Variants in ERBB4 observed in about 807,000 individuals in gnomAD.
ERBB4 encodes erb-b2 receptor tyrosine kinase 4.
A neutral mutation model predicts 158.0 loss-of-function variants in ERBB4; 42 were observed. That is an observed-to-expected ratio of 0.27 (90% CI 0.21 to 0.34). The LOEUF (loss-of-function observed/expected upper bound fraction) is 0.34. ERBB4 is among the 10% of genes least tolerant of loss of function. The pLI, the probability that ERBB4 is intolerant of heterozygous loss-of-function variation, is 1.00. For synonymous variants in ERBB4, 583 were observed against 558.7 expected, an observed-to-expected ratio of 1.04 and a Z score of -0.61; for missense variants, 1,333 against 1,624.1, an observed-to-expected ratio of 0.82 and a Z score of 3.08.
chr2:211,939,391 T>C (rs1449903169), intron 3 of ERBB4, among the ~76,000 whole-genome samples: 1 of 128,870 alleles, frequency 7.8e-6, no homozygotes, highest in African/African-American at 3.4e-5. Context: ...CTGAAACAGA[T>C]TTTTTTTTTT....
intron 20 of ERBB4, among the ~76,000 whole-genome samples, chr2:211,525,872 G>C (rs987623654): frequency 2.0e-5 from 3 of 152,092 alleles, no homozygotes; most frequent in Non-Finnish European, 2.9e-5. Flanking sequence ...GTGGAAAGGG[G>C]AGGGAAGAGT....
At chr2:211,792,416 C>T (rs973256183) in intron 3 of ERBB4, among the ~76,000 whole-genome samples, 1 of 151,106 alleles carries the variant, frequency 6.6e-6, no homozygotes, top group African/African-American at 2.4e-5. Flanking sequence ...TAGAGAAAGC[C>T]GAAAGGAAAA....
intron 19 of ERBB4, among the ~76,000 whole-genome samples, chr2:211,586,667 T>C (rs12989265): frequency 5.9e-5 from 9 of 152,290 alleles, no homozygotes; most frequent in African/African-American, 2.2e-4. Context: ...TGGAGGATTG[T>C]TTTTGAGTCT....
At chr2:211,667,056 A>C (rs921246087) in intron 14 of ERBB4, among the ~76,000 whole-genome samples, 2 of 152,032 alleles carry the variant, frequency 1.3e-5, no homozygotes, top group African/African-American at 4.8e-5. Flanking sequence ...GTCTTGGGCC[A>C]CACATAAAAT....
intron 1 of ERBB4, among the ~76,000 whole-genome samples, chr2:212,277,077 C>T (rs1463402388): frequency 6.6e-6 from 1 of 151,654 alleles, no homozygotes; most frequent in Non-Finnish European, 1.5e-5. Context: ...TCCAACTGAC[C>T]TTGATAAGGC....
chr2:211,542,985 T>C (rs2066852583), intron 20 of ERBB4, among the ~76,000 whole-genome samples: 1 of 152,014 alleles, frequency 6.6e-6, no homozygotes, highest in Admixed American at 6.6e-5. Flanking sequence ...AATTAGTAAG[T>C]TGGCAGAATA....
At chr2:212,327,407 AAAT>A (rs2087898462) in intron 1 of ERBB4, among the ~76,000 whole-genome samples, 1 of 151,970 alleles carries the variant, frequency 6.6e-6, no homozygotes. Flanking sequence ...CTGTTCTCAC[AAAT>A]AATGAGTTAT....
At chr2:212,476,461 C>G (rs1689409504) in intron 1 of ERBB4, among the ~76,000 whole-genome samples, 1 of 152,054 alleles carries the variant, frequency 6.6e-6, no homozygotes. Flanking sequence ...AAATATTATT[C>G]TCTCTACCCT....
At chr2:212,445,222 C>T (rs115595600) in intron 1 of ERBB4, among the ~76,000 whole-genome samples, 1,796 of 152,006 alleles carry the variant, frequency 0.012, 34 homozygotes, top group African/African-American at 0.041. Flanking sequence ...TTCTCCAGAA[C>T]GCCGTGTATG....
intron 16 of ERBB4, among the ~76,000 whole-genome samples, chr2:211,643,065 C>A (rs750249985): frequency 1.4e-4 from 22 of 152,118 alleles, no homozygotes; most frequent in Admixed American, 5.9e-4. Context: ...CACCACACTG[C>A]GTCCAAGTCC....
In ERBB4 at chr2:211,424,182, T is replaced by C. The variant is rs1170982070; in HGVS notation, c.2839A>G (p.Ile947Val). ...TTGACCATGACCATGTAAACGTCAA[T>C]AGTGCAGATGGGAGGCTGAGGCAAA... Reference protein sequence around the residue: ...ERLPQPPICTIDVYMVMVKCW... With the variant: ...ERLPQPPICTVDVYMVMVKCW... The change falls in exon 23 of 28, where the codon ATT becomes GTT. Residue 947 changes from isoleucine to valine, a missense_variant. Around this residue, in one of 5 missense-constraint regions of ERBB4, gnomAD observed 314 missense variants for 437.6 expected, o/e 0.72. Transcript: ENST00000342788. The C allele has an allele frequency of 3.1e-6, 5 of 1,613,238 alleles. No individual in the cohort carries two copies. The highest frequency in any genetic ancestry group is 4.5e-5 in the East Asian group (2 of 44,854).
At chr2:212,415,874 A>C (rs1429958492) in intron 1 of ERBB4, among the ~76,000 whole-genome samples, 1 of 152,130 alleles carries the variant, frequency 6.6e-6, no homozygotes, top group Admixed American at 6.6e-5. Flanking sequence ...CAACGAATAG[A>C]AAGTTTTATT....
At chr2:211,989,950 C>T (rs1465428799) in intron 2 of ERBB4, among the ~76,000 whole-genome samples, 7 of 151,662 alleles carry the variant, frequency 4.6e-5, no homozygotes, top group Admixed American at 3.9e-4. Context: ...CTTGCATTCA[C>T]TACCAAATTT....
At chr2:212,017,532 G>A (rs184079337) in intron 2 of ERBB4, among the ~76,000 whole-genome samples, 54 of 152,140 alleles carry the variant, frequency 3.5e-4, no homozygotes, top group East Asian at 1.7e-3. Flanking sequence ...GATAAATTTC[G>A]ACTCAGTTGT....
At chr2:212,095,520 T>C (rs1264535042) in intron 2 of ERBB4, among the ~76,000 whole-genome samples, 1 of 152,204 alleles carries the variant, frequency 6.6e-6, no homozygotes, top group Non-Finnish European at 1.5e-5. Flanking sequence ...CGAATATTAA[T>C]TGTTGTGTGA....
intron 1 of ERBB4, among the ~76,000 whole-genome samples, chr2:212,466,918 C>G (rs941274872): frequency 1.3e-5 from 2 of 152,074 alleles, no homozygotes; most frequent in African/African-American, 4.8e-5. Flanking sequence ...AAAGTTCAGG[C>G]TGAGGTGGTT....
chr2:211,406,408 A>G (rs966248047), intron 25 of ERBB4, among the ~76,000 whole-genome samples: 5 of 152,198 alleles, frequency 3.3e-5, no homozygotes, highest in African/African-American at 1.2e-4. Context: ...GAAATTTCTA[A>G]GTCTGAATTA....
rs200659841 is a variant in ERBB4, at chr2:211,386,926, G to C, written c.3408C>G (p.Ala1136=). The C allele has an allele frequency of 2.5e-6, 4 of 1,613,992 alleles. No homozygotes were observed. Among genetic ancestry groups the C allele is most frequent in the African/African-American group, 1.3e-5 (1 of 74,904 alleles). Residue 1136 remains alanine (A), a synonymous_variant, in exon 27 of 28, where the codon GCC becomes GCG. Transcript: ENST00000342788. ...GCTCTCCTCGTGGGCTCCGTTCTGG[G>C]GCAAACACGGTGGGGTCAGCACTGT... ...QRYSADPTVF[A]PERSPRGELD...
chr2:211,623,754 T>TA (rs929731414), intron 18 of ERBB4, among the ~76,000 whole-genome samples, 168 bp downstream of exon 18: 4 of 152,204 alleles, frequency 2.6e-5, no homozygotes, highest in Non-Finnish European at 2.9e-5. Flanking sequence ...GCTCATTCAA[T>TA]AAAAATTAAT....
Sources: allele counts gnomAD v4.1 joint callset (sites outside exome capture counted in the v4.1 genomes callset), GRCh38; gene constraint gnomAD v4.1.1; regional missense constraint gnomAD v4.1.1; transcripts MANE v1.5; gene names NCBI Gene and HGNC (gene_info 2026-07-23, HGNC 2026-07-21).